MAST4: variants seen among roughly 807,000 people sequenced by gnomAD.
MAST4 encodes microtubule associated serine/threonine kinase family member 4, also known as microtubule-associated serine/threonine-protein kinase 4.
A neutral mutation model predicts 162.7 loss-of-function variants in MAST4; 89 were observed. That is an observed-to-expected ratio of 0.55 (90% confidence interval 0.46 to 0.65). MAST4 has a LOEUF of 0.65. Ranked by LOEUF, MAST4 falls within the 30% of genes least tolerant of loss-of-function variation. The pLI, the probability that MAST4 is intolerant of heterozygous loss-of-function variation, is 0.00. For missense variants in MAST4, 3,153 were observed against 3,374.0 expected (o/e 0.93, Z 1.62); for synonymous variants, 1,479 against 1,361.1 (o/e 1.09, Z -1.91).
At chr5:67,045,040 A>T (rs1463649191) in intron 4 of MAST4, among the ~76,000 whole-genome samples, 2 of 152,174 alleles carry the variant, frequency 1.3e-5, no homozygotes, top group East Asian at 3.8e-4. Context: ...ATGTCATTTT[A>T]AATCAGTTTA....
At chr5:66,646,771 T>C (rs894114909) in intron 1 of MAST4, among the ~76,000 whole-genome samples, 1 of 152,186 alleles carries the variant, frequency 6.6e-6, no homozygotes, top group Non-Finnish European at 1.5e-5. Flanking sequence ...TGTGTAAGAA[T>C]AGGGCAAATA....
At chr5:66,951,948 G>A (rs1466661662) in intron 4 of MAST4, among the ~76,000 whole-genome samples, 1 of 152,016 alleles carries the variant, frequency 6.6e-6, no homozygotes, top group Non-Finnish European at 1.5e-5. Flanking sequence ...GCAGTTTTTG[G>A]TGATTTTCCT....
intron 1 of MAST4, among the ~76,000 whole-genome samples, chr5:66,632,440 G>C (rs1017182899): frequency 1.3e-5 from 2 of 151,628 alleles, no homozygotes; most frequent in African/African-American, 2.4e-5. Context: ...AAGTCATCTG[G>C]GCTAAAATCC....
chr5:67,016,566 T>A (rs1753307428), intron 4 of MAST4, among the ~76,000 whole-genome samples: 1 of 152,230 alleles, frequency 6.6e-6, no homozygotes, highest in Non-Finnish European at 1.5e-5. Flanking sequence ...GTTTTAAGAT[T>A]GCTACCTGCT....
intron 3 of MAST4, among the ~76,000 whole-genome samples, chr5:66,838,261 T>C (rs927100318): frequency 2.0e-5 from 3 of 152,146 alleles, no homozygotes; most frequent in Non-Finnish European, 2.9e-5. Context: ...AACCTTTATC[T>C]TAGATACTCT....
At chr5:66,754,814 A>T (rs901410414) in intron 1 of MAST4, among the ~76,000 whole-genome samples, 3 of 152,234 alleles carry the variant, frequency 2.0e-5, no homozygotes, top group Non-Finnish European at 4.4e-5. Flanking sequence ...GTGCTGTTTT[A>T]CATAGGCATT....
At chr5:66,958,038 T>G (rs897428306) in intron 4 of MAST4, among the ~76,000 whole-genome samples, 1 of 151,598 alleles carries the variant, frequency 6.6e-6, no homozygotes, top group African/African-American at 2.4e-5. Flanking sequence ...AAAGACAGAG[T>G]TTGACTTCAT....
chr5:66,930,924 C>G (rs886156651), intron 4 of MAST4: 12 of 317,522 alleles, frequency 3.8e-5, no homozygotes, highest in Non-Finnish European at 7.1e-5. Context: ...ACTCTTCTTC[C>G]AGCTGCGTAG....
chr5:66,927,374 C>T (rs1010948412), intron 4 of MAST4, among the ~76,000 whole-genome samples: 4 of 152,224 alleles, frequency 2.6e-5, no homozygotes, highest in African/African-American at 7.2e-5. Flanking sequence ...CCTTTGACAG[C>T]TACATATCCA....
chr5:66,721,120 G>T (rs991313459), intron 1 of MAST4, among the ~76,000 whole-genome samples: 4 of 152,090 alleles, frequency 2.6e-5, no homozygotes, highest in Admixed American at 2.0e-4. Flanking sequence ...CTTCTCTCCT[G>T]CATTGTGCGT....
At chr5:67,049,045 GTATATATATATATACGTATA>G (rs1178871708) in intron 4 of MAST4, among the ~76,000 whole-genome samples, 8 of 100,562 alleles carry the variant, frequency 8.0e-5, no homozygotes, top group Non-Finnish European at 1.3e-4. Flanking sequence ...ATATATACGT[GTATATATATATATACGTATA>G]TATATATATA....
At chr5:66,597,315 A>C (rs1742254633) in intron 1 of MAST4, among the ~76,000 whole-genome samples, 1 of 152,220 alleles carries the variant, frequency 6.6e-6, no homozygotes, top group Admixed American at 6.5e-5. Context: ...GATCTGTGAA[A>C]GGATGCGATC....
At position 67,168,905 on chromosome 5, in the gene MAST4, CAAAA is replaced by C. The variant is rs1015000021; in HGVS notation, c.*1858_*1861del. ...CTTTGGGAAAAAGGAAAAAAACAAA[CAAAA>C]AAAGAAAAAGAAAAAAGCCTCCTCC... On this transcript the variant is annotated 3_prime_UTR_variant, in exon 29 of 29. Transcript: ENST00000403625. 2.6e-5 allele frequency: 4 copies of C among 151,668 alleles called. No homozygotes were observed. Among genetic ancestry groups the C allele is most frequent in the African/African-American group, 4.8e-5 (2 of 41,332 alleles). 9.4% of individuals were successfully genotyped at this position (151,668 alleles called of 1,614,324 possible).
chr5:67,073,179 C>G (rs1438452904), intron 5 of MAST4, among the ~76,000 whole-genome samples: 1 of 152,104 alleles, frequency 6.6e-6, no homozygotes, highest in Non-Finnish European at 1.5e-5. Flanking sequence ...AACACCCAGC[C>G]CACACCATGG....
chr5:67,000,423 T>C (rs1046991113), intron 4 of MAST4, among the ~76,000 whole-genome samples: 1 of 152,162 alleles, frequency 6.6e-6, no homozygotes, highest in Non-Finnish European at 1.5e-5. Context: ...TCTTTTAACA[T>C]TGTTCTACGT....
At chr5:66,688,154 C>G (rs1748813282) in intron 1 of MAST4, among the ~76,000 whole-genome samples, 2 of 152,254 alleles carry the variant, frequency 1.3e-5, no homozygotes, top group South Asian at 4.1e-4. Context: ...AGCACACTTC[C>G]CAGTAGGTTC....
chr5:66,719,746 A>G (rs1751078542), intron 1 of MAST4, among the ~76,000 whole-genome samples: 1 of 152,042 alleles, frequency 6.6e-6, no homozygotes. Flanking sequence ...TAATTCATTG[A>G]AATTTGGGCA....
chr5:66,890,679 T>C (rs916056396), intron 3 of MAST4, among the ~76,000 whole-genome samples: 4 of 152,212 alleles, frequency 2.6e-5, no homozygotes, highest in African/African-American at 9.6e-5. Flanking sequence ...CAACTATGAA[T>C]GCAGCCTGAT....
intron 19 of MAST4, among the ~76,000 whole-genome samples, chr5:67,140,581 G>C (rs1770259325): frequency 6.6e-6 from 1 of 152,238 alleles, no homozygotes; most frequent in African/African-American, 2.4e-5. Context: ...ACTGAGGTTG[G>C]GCTTGGGTGT....
Sources: allele counts gnomAD v4.1 joint callset (sites outside exome capture counted in the v4.1 genomes callset), GRCh38; gene constraint gnomAD v4.1.1; transcripts MANE v1.5; gene names NCBI Gene and HGNC (gene_info 2026-07-23, HGNC 2026-07-21).